The following PRR16 variants were observed in gnomAD, a reference collection of about 807,000 sequenced individuals.
PRR16 encodes the protein protein Largen.
In PRR16, 6 loss-of-function variants were observed where a neutral mutation model predicts 18.2. The ratio of observed to expected loss-of-function variants is 0.33; its 90% confidence interval spans 0.18 to 0.65. The LOEUF (loss-of-function observed/expected upper bound fraction) is 0.65. PRR16 is among the 30% of genes least tolerant of loss of function. PRR16 has a pLI of 0.74. For synonymous variants in PRR16, 151 were observed against 147.8 expected (o/e 1.02, Z -0.16); for missense variants, 412 against 376.6 (o/e 1.09, Z -0.78).
At chr5:120,517,634 G>A (rs886089534) in intron 1 of PRR16, among the ~76,000 whole-genome samples, 1 of 151,992 alleles carries the variant, frequency 6.6e-6, no homozygotes, top group Non-Finnish European at 1.5e-5. Flanking sequence ...TTAAAACTTA[G>A]CTACAGTTTT....
intron 1 of PRR16, among the ~76,000 whole-genome samples, chr5:120,467,242 A>G (rs935627634): frequency 2.0e-5 from 3 of 152,182 alleles, no homozygotes; most frequent in Admixed American, 1.3e-4. Context: ...AAACTGCTAT[A>G]TTTAGAATTC....
At chr5:120,781,622 A>G in the PRR16 span, 1 of 152,184 alleles carries the variant, frequency 6.6e-6, no homozygotes. Context: ...TGGTTTTCTC[A>G]CATTTCTTAA....
chr5:120,553,256 C>G (rs981770210), intron 1 of PRR16, among the ~76,000 whole-genome samples: 1 of 151,734 alleles, frequency 6.6e-6, no homozygotes, highest in African/African-American at 2.4e-5. Context: ...GACTAGTCTG[C>G]GCCATAACTT....
chr5:120,523,498 G>A (rs1344420880), intron 1 of PRR16, among the ~76,000 whole-genome samples: 3 of 152,072 alleles, frequency 2.0e-5, no homozygotes, highest in African/African-American at 7.2e-5. Flanking sequence ...AGCATTTAAT[G>A]TCCATGTCAA....
the PRR16 span, among the ~76,000 whole-genome samples, chr5:120,697,927 A>G: frequency 6.6e-6 from 1 of 152,166 alleles, no homozygotes; most frequent in Middle Eastern, 3.2e-3. Context: ...AAGGTGGGGC[A>G]GGGCATATTC....
chr5:120,754,207 A>T, the PRR16 span, among the ~76,000 whole-genome samples: 6 of 70,556 alleles, frequency 8.5e-5, no homozygotes, highest in South Asian at 4.6e-4. Flanking sequence ...TATATTATAA[A>T]TTATATATTA....
intron 1 of PRR16, among the ~76,000 whole-genome samples, chr5:120,677,361 T>G (rs150275958): frequency 8.7e-4 from 132 of 152,302 alleles, no homozygotes; most frequent in Non-Finnish European, 1.5e-3. Flanking sequence ...GGTATGTCAC[T>G]TGCTATCCTA....
the PRR16 span, among the ~76,000 whole-genome samples, chr5:120,738,764 C>T: frequency 6.6e-6 from 1 of 152,216 alleles, no homozygotes; most frequent in East Asian, 1.9e-4. Flanking sequence ...CTGATTTGTG[C>T]TGAGTGTCAG....
chr5:120,635,048 C>A (rs1162939275), intron 1 of PRR16, among the ~76,000 whole-genome samples: 1 of 151,296 alleles, frequency 6.6e-6, no homozygotes, highest in Non-Finnish European at 1.5e-5. Context: ...AATATACAAC[C>A]CTCCTATATT....
intron 1 of PRR16, among the ~76,000 whole-genome samples, chr5:120,532,430 G>A (rs1452197798): frequency 6.6e-6 from 1 of 151,878 alleles, no homozygotes; most frequent in Admixed American, 6.6e-5. Context: ...TGAATGCTAT[G>A]GGTGTTAAAT....
chr5:120,702,140 A>G, the PRR16 span, among the ~76,000 whole-genome samples: 1 of 151,638 alleles, frequency 6.6e-6, no homozygotes, highest in Non-Finnish European at 1.5e-5. Flanking sequence ...AGGGGTTCTT[A>G]CCTTCCAGAA....
chr5:120,657,280 T>C (rs1056316029), intron 1 of PRR16, among the ~76,000 whole-genome samples: 4 of 151,930 alleles, frequency 2.6e-5, no homozygotes, highest in South Asian at 4.1e-4. Flanking sequence ...AGTAAGCAGA[T>C]TGAAGCTGAG....
intron 1 of PRR16, among the ~76,000 whole-genome samples, chr5:120,558,986 A>T (rs1229285910): frequency 2.6e-5 from 4 of 151,342 alleles, no homozygotes. Flanking sequence ...TTTTAATTGG[A>T]TTATTATTAT....
At chr5:120,559,925 A>G (rs1752524668) in intron 1 of PRR16, among the ~76,000 whole-genome samples, 1 of 151,642 alleles carries the variant, frequency 6.6e-6, no homozygotes, top group Non-Finnish European at 1.5e-5. Flanking sequence ...ATAATTTTTT[A>G]TTTATTTTTC....
intron 1 of PRR16, among the ~76,000 whole-genome samples, chr5:120,620,024 G>A (rs1038396811): frequency 1.3e-5 from 2 of 152,078 alleles, no homozygotes; most frequent in African/African-American, 4.8e-5. Context: ...TGTTATTAGA[G>A]CGGAGCTAAA....
At chr5:120,778,533 C>T in the PRR16 span, among the ~76,000 whole-genome samples, 1 of 152,064 alleles carries the variant, frequency 6.6e-6, no homozygotes, top group Non-Finnish European at 1.5e-5. Context: ...ATAGAGACGC[C>T]GTCTTGAATA....
At chr5:120,553,172 ATTG>A (rs1383384335) in intron 1 of PRR16, among the ~76,000 whole-genome samples, 1 of 151,880 alleles carries the variant, frequency 6.6e-6, no homozygotes, top group Non-Finnish European at 1.5e-5. Flanking sequence ...ACCAGAGTAT[ATTG>A]TAGATTCCCT....
intron 1 of PRR16, among the ~76,000 whole-genome samples, chr5:120,494,987 G>A (rs554691390): frequency 2.0e-5 from 3 of 152,100 alleles, no homozygotes; most frequent in African/African-American, 7.2e-5. Flanking sequence ...GTTGATTACT[G>A]TAGCCACGTA....
chr5:120,501,955 CAAAAAAA>C (rs548770948), intron 1 of PRR16, among the ~76,000 whole-genome samples: 3 of 44,084 alleles, frequency 6.8e-5, no homozygotes, highest in Admixed American at 3.3e-4. Context: ...TACTCCGTCT[CAAAAAAA>C]AAAAAAAAAA....
Sources: allele counts gnomAD v4.1 joint callset (sites outside exome capture counted in the v4.1 genomes callset), GRCh38; gene constraint gnomAD v4.1.1; transcripts MANE v1.5; gene names NCBI Gene and HGNC (gene_info 2026-07-23, HGNC 2026-07-21).